IMMP2L: variants seen among roughly 807,000 people sequenced by gnomAD.
The protein encoded by IMMP2L is inner mitochondrial membrane peptidase subunit 2.
A neutral mutation model predicts 19.3 loss-of-function variants in IMMP2L; 18 were observed. The ratio of observed to expected loss-of-function variants is 0.93; its 90% confidence interval spans 0.64 to 1.38. The LOEUF is 1.38. Ranked by LOEUF, IMMP2L falls within the 40% of genes most tolerant of loss-of-function variation. The probability of loss-of-function intolerance (pLI) is 0.00; values close to 1 mark genes in which losing one functional copy is unlikely to be tolerated. For synonymous variants in IMMP2L, 76 were observed against 73.0 expected (o/e 1.04, Z -0.21); for missense variants, 233 against 218.2 (o/e 1.07, Z -0.43).
chr7:111,036,524 A>T (rs1791372705), intron 3 of IMMP2L, among the ~76,000 whole-genome samples: 1 of 152,164 alleles, frequency 6.6e-6, no homozygotes, highest in African/African-American at 2.4e-5. Context: ...CTAGACACTT[A>T]ACTAGATTAT....
chr7:111,293,896 AT>A (rs1313368415), intron 3 of IMMP2L, among the ~76,000 whole-genome samples: 2 of 151,966 alleles, frequency 1.3e-5, no homozygotes, highest in African/African-American at 4.8e-5. Context: ...CAAGATATAG[AT>A]TTCAACCCAA....
At chr7:111,003,418 C>T (rs927323370) in intron 3 of IMMP2L, among the ~76,000 whole-genome samples, 8 of 152,018 alleles carry the variant, frequency 5.3e-5, no homozygotes, top group Non-Finnish European at 1.2e-4. Context: ...AGGAGTCATA[C>T]AAAAACCTTC....
chr7:111,366,223 G>A lies in IMMP2L; in HGVS notation c.239+121015C>T, dbSNP rs116726355. Among the ~76,000 whole-genome samples, 436 of 151,686 alleles carry A rather than the reference G, an allele frequency of 2.9e-3. 4 individuals are homozygous for A. Among genetic ancestry groups the A allele is most frequent in the African/African-American group, 1.0e-2 (412 of 41,386 alleles). On this transcript the variant is annotated intron_variant, in intron 3 of 5. Coordinates refer to ENST00000405709, the MANE Select transcript of IMMP2L (RefSeq NM_032549.4). ...ATAAATACTGAGAGCTTCCAGATGC[G>A]ATGCCTGGAAAAGGAAAATCATTTA...
chr7:111,118,136 A>T (rs2129586462), intron 3 of IMMP2L, among the ~76,000 whole-genome samples: 1 of 152,236 alleles, frequency 6.6e-6, no homozygotes, highest in South Asian at 2.1e-4. Context: ...ATTGTAAATC[A>T]AATCTACTGT....
intron 5 of IMMP2L, among the ~76,000 whole-genome samples, chr7:110,790,654 T>C (rs577767895): frequency 3.3e-5 from 5 of 151,690 alleles, no homozygotes; most frequent in African/African-American, 1.2e-4. Flanking sequence ...AGCAAATGGT[T>C]AAACAGTGGT....
At chr7:110,988,604 T>C (rs1054352167) in intron 3 of IMMP2L, among the ~76,000 whole-genome samples, 2 of 152,136 alleles carry the variant, frequency 1.3e-5, no homozygotes, top group East Asian at 3.9e-4. Flanking sequence ...CATAGCAGTA[T>C]GTCACAAAGC....
intron 5 of IMMP2L, among the ~76,000 whole-genome samples, chr7:110,779,723 T>C (rs551841571): frequency 6.6e-6 from 1 of 151,982 alleles, no homozygotes; most frequent in South Asian, 2.1e-4. Flanking sequence ...CACCGCAGCA[T>C]ATTCTACCAG....
Position 111,237,339 on chromosome 7 carries a change from T to TA in IMMP2L, c.239+249898dup, listed in dbSNP as rs765847261. ...TATAAGAATAATTCATAAAATTGTG[T>TA]ATTGTGTCCTGTTTTGATTTACTGG... On this transcript the variant is annotated intron_variant, in intron 3 of 5. Transcript: ENST00000405709. 7.2e-5 allele frequency among the ~76,000 whole-genome samples: 11 copies of TA among 152,244 alleles called. No homozygotes were observed. The East Asian group carries it at 1.7e-3, about 24-fold the overall frequency.
intron 5 of IMMP2L, among the ~76,000 whole-genome samples, chr7:110,753,719 A>T (rs1317905286): frequency 6.6e-6 from 1 of 151,006 alleles, no homozygotes; most frequent in East Asian, 1.9e-4. Flanking sequence ...AAAAGGTAAG[A>T]GGCTTTCATT....
chr7:110,862,236 A>T (rs1280192169), intron 5 of IMMP2L, among the ~76,000 whole-genome samples: 1 of 150,468 alleles, frequency 6.6e-6, no homozygotes, highest in Non-Finnish European at 1.5e-5. Context: ...TATTTTATTT[A>T]TTTTTTTTTA....
At chr7:111,504,673 C>G (rs564107889) in intron 2 of IMMP2L, among the ~76,000 whole-genome samples, 67 of 152,252 alleles carry the variant, frequency 4.4e-4, no homozygotes, top group African/African-American at 1.5e-3. Context: ...TGCCGCATAT[C>G]TACAACCATC....
chr7:111,556,830 CTG>C (rs1791424515), intron 1 of IMMP2L, among the ~76,000 whole-genome samples: 2 of 152,100 alleles, frequency 1.3e-5, no homozygotes, highest in African/African-American at 4.8e-5. Flanking sequence ...ACACACAAAT[CTG>C]TTTCTCCAGC....
At chr7:111,437,769 ATTT>A in intron 3 of IMMP2L, among the ~76,000 whole-genome samples, 1 of 151,840 alleles carries the variant, frequency 6.6e-6, no homozygotes, top group South Asian at 2.1e-4. Flanking sequence ...TCCTTAAGAA[ATTT>A]TTTTATCTTG....
At chr7:111,002,419 G>T (rs928787766) in intron 3 of IMMP2L, among the ~76,000 whole-genome samples, 3 of 152,090 alleles carry the variant, frequency 2.0e-5, no homozygotes, top group Non-Finnish European at 4.4e-5. Context: ...CAAATAAAGA[G>T]ATGAGGAATT....
At chr7:111,071,480 A>G (rs930841067) in intron 3 of IMMP2L, among the ~76,000 whole-genome samples, 5 of 152,224 alleles carry the variant, frequency 3.3e-5, no homozygotes, top group African/African-American at 1.2e-4. Context: ...GAACATGAAA[A>G]AAAGAAACAA....
At chr7:111,198,325 C>T (rs998938802) in intron 3 of IMMP2L, among the ~76,000 whole-genome samples, 1 of 152,124 alleles carries the variant, frequency 6.6e-6, no homozygotes, top group African/African-American at 2.4e-5. Flanking sequence ...CAGGTCAGAA[C>T]GGCTCTCGGT....
intron 3 of IMMP2L, among the ~76,000 whole-genome samples, chr7:111,374,631 G>A (rs1731406626): frequency 1.3e-5 from 2 of 152,060 alleles, no homozygotes; most frequent in Admixed American, 1.3e-4. Flanking sequence ...CTCTTACAAA[G>A]TTAAACCCAA....
intron 3 of IMMP2L, among the ~76,000 whole-genome samples, chr7:111,480,101 T>G (rs569582460): frequency 9.5e-4 from 144 of 151,720 alleles, no homozygotes; most frequent in African/African-American, 3.3e-3. Context: ...TTTTTTTTTT[T>G]GAGATGGAGT....
chr7:111,462,514 T>A (rs573344987), intron 3 of IMMP2L, among the ~76,000 whole-genome samples: 25 of 152,116 alleles, frequency 1.6e-4, no homozygotes, highest in Non-Finnish European at 3.2e-4. Flanking sequence ...TTATTAAAAA[T>A]TTTTTTTGAA....
Sources: allele counts gnomAD v4.1 joint callset (sites outside exome capture counted in the v4.1 genomes callset), GRCh38; gene constraint gnomAD v4.1.1; transcripts MANE v1.5; gene names NCBI Gene and HGNC (gene_info 2026-07-23, HGNC 2026-07-21).